The following GNB1 variants were observed in gnomAD, a reference collection of about 807,000 sequenced individuals.
GNB1 encodes guanine nucleotide-binding protein G(I)/G(S)/G(T) subunit beta-1.
GNB1 carries 2 observed loss-of-function variants against 42.9 expected under a neutral mutation model. That is an observed-to-expected ratio of 0.05 (90% CI 0.02 to 0.15). The LOEUF is 0.15. Among genes scored for constraint, GNB1 ranks in the 10% least tolerant of loss-of-function variants. The probability of loss-of-function intolerance (pLI) is 1.00; values close to 1 mark genes in which losing one functional copy is unlikely to be tolerated. For synonymous variants in GNB1, 183 were observed against 174.7 expected (o/e 1.05, Z -0.38); for missense variants, 193 against 462.2 (o/e 0.42, Z 5.34).
chr1:1,882,650 T>C (rs1255382354), intron 1 of GNB1, among the ~76,000 whole-genome samples: 1 of 151,592 alleles, frequency 6.6e-6, no homozygotes, highest in Non-Finnish European at 1.5e-5. Context: ...GGGCAGGGCG[T>C]GGTGGCTCAC....
At chr1:1,825,305 C>G (rs1646981787) in intron 3 of GNB1, 92 bp downstream of exon 3, 3 of 867,246 alleles carry the variant, frequency 3.5e-6, no homozygotes, top group Middle Eastern at 2.2e-4. Context: ...AAACATAGAA[C>G]AAGTCATCCT....
chr1:1,867,676 A>C (rs1261936765), intron 1 of GNB1, among the ~76,000 whole-genome samples: 1 of 152,052 alleles, frequency 6.6e-6, no homozygotes, highest in Admixed American at 6.6e-5. Flanking sequence ...TATTCCTAAC[A>C]TTTTTCTAAT....
At chr1:1,836,387 C>CTTTT (rs34812880) in intron 2 of GNB1, among the ~76,000 whole-genome samples, 2 of 85,148 alleles carry the variant, frequency 2.3e-5, no homozygotes, top group South Asian at 4.1e-4. Flanking sequence ...CTTAATATTG[C>CTTTT]TTTTTTTTTT....
chr1:1,842,906 G>C (rs1212343362), intron 1 of GNB1, among the ~76,000 whole-genome samples: 1 of 152,222 alleles, frequency 6.6e-6, no homozygotes, highest in African/African-American at 2.4e-5. Context: ...GGTCCTATGA[G>C]CATACCCGAA....
chr1:1,823,038 C>T (rs887722824), intron 3 of GNB1, among the ~76,000 whole-genome samples: 18 of 151,846 alleles, frequency 1.2e-4, no homozygotes, highest in East Asian at 3.9e-4. Flanking sequence ...GTCAGGAGAT[C>T]GAGACCATCC....
intron 4 of GNB1, among the ~76,000 whole-genome samples, chr1:1,817,410 T>C (rs1646872563): frequency 6.6e-6 from 1 of 152,196 alleles, no homozygotes; most frequent in Non-Finnish European, 1.5e-5. Flanking sequence ...TACATGTGTG[T>C]GTTTGAAAAG....
intron 7 of GNB1, among the ~76,000 whole-genome samples, chr1:1,801,675 G>A (rs1489052598): frequency 7.9e-5 from 12 of 152,180 alleles, no homozygotes; most frequent in Non-Finnish European, 1.0e-4. Flanking sequence ...CAGGCCAGGC[G>A]TGGTGGCTCA....
At chr1:1,798,882 T>G (rs1646582895) in intron 7 of GNB1, among the ~76,000 whole-genome samples, 1 of 151,684 alleles carries the variant, frequency 6.6e-6, no homozygotes, top group Non-Finnish European at 1.5e-5. Flanking sequence ...TTGTATTTTT[T>G]GTAGAGGCGG....
chr1:1,876,247 C>A (rs965597296), intron 1 of GNB1, among the ~76,000 whole-genome samples: 1 of 152,114 alleles, frequency 6.6e-6, no homozygotes, highest in African/African-American at 2.4e-5. Context: ...TTTCTGAAGA[C>A]CTTTACTAAG....
intron 2 of GNB1, among the ~76,000 whole-genome samples, chr1:1,826,888 G>T (rs1489982133): frequency 6.6e-6 from 1 of 152,206 alleles, no homozygotes; most frequent in African/African-American, 2.4e-5. Flanking sequence ...GTTAATGTAT[G>T]ACTGAAGATC....
At chr1:1,858,065 T>C (rs531920730) in intron 1 of GNB1, among the ~76,000 whole-genome samples, 1 of 152,292 alleles carries the variant, frequency 6.6e-6, no homozygotes, top group South Asian at 2.1e-4. Context: ...CATGGATCCA[T>C]AATGGAGAAT....
chr1:1,880,366 C>T (rs528732702), intron 1 of GNB1, among the ~76,000 whole-genome samples: 1 of 152,124 alleles, frequency 6.6e-6, no homozygotes, highest in Non-Finnish European at 1.5e-5. Flanking sequence ...TTTGGGAGGC[C>T]GAGGCAGGCG....
chr1:1,825,252 A>G (rs1041166367), intron 3 of GNB1, 145 bp downstream of exon 3: 1 of 676,414 alleles, frequency 1.5e-6, no homozygotes, highest in Non-Finnish European at 2.7e-6. Context: ...ATCTAGATCT[A>G]TAATTAGTAC....
chr1:1,840,669 C>CT (rs1456957588), intron 1 of GNB1, among the ~76,000 whole-genome samples: 1 of 152,270 alleles, frequency 6.6e-6, no homozygotes, highest in Non-Finnish European at 1.5e-5. Context: ...CACTAAATAA[C>CT]TACTTTGTGA....
At position 1,790,290 on chromosome 1, in the gene GNB1, G is replaced by T; in HGVS notation, c.699+105C>A. On this transcript the variant is annotated intron_variant, in intron 9 of 11. Transcript: ENST00000378609. The surrounding 1 kb of genome is among the most constrained non-coding windows in gnomAD (Gnocchi z 5.4). The stretch of plus-strand genomic sequence containing the variant: ...CCATCTGTACATGAGGTTGTATAAG[G>T]ATCAGAAAGGAGAACATCTAATCCA... 1 of 763,728 alleles carries T rather than the reference G, an allele frequency of 1.3e-6. No homozygotes were observed. The highest frequency in any genetic ancestry group is 1.6e-5 in the South Asian group (1 of 62,604). 47.3% of individuals were successfully genotyped at this position (763,728 alleles called of 1,614,324 possible).
chr1:1,874,567 A>T (rs1452170425), intron 1 of GNB1, among the ~76,000 whole-genome samples: 1 of 135,952 alleles, frequency 7.4e-6, no homozygotes, highest in East Asian at 2.5e-4. Context: ...AGACTGCACC[A>T]CTGCACTCCA....
chr1:1,847,255 A>C (rs532916982), intron 1 of GNB1, among the ~76,000 whole-genome samples: 1 of 152,228 alleles, frequency 6.6e-6, no homozygotes, highest in African/African-American at 2.4e-5. Flanking sequence ...AGAGATAAAC[A>C]CCAGTTGCCA....
intron 1 of GNB1, among the ~76,000 whole-genome samples, chr1:1,857,642 G>T (rs1648380149): frequency 6.6e-6 from 1 of 152,138 alleles, no homozygotes; most frequent in East Asian, 1.9e-4. Context: ...TTTAACATGG[G>T]AACAAACTTC....
rs553079355 is a variant in GNB1, at chr1:1,841,813, C to T, written c.-95-2575G>A. Among the ~76,000 whole-genome samples the T allele has an allele frequency of 2.0e-5, 3 of 152,282 alleles. No individual in the cohort carries two copies. In the East Asian group the frequency reaches 5.8e-4, roughly 29 times the overall value. ...TGGCAGTTCCTCAAAAAATTAAACA[C>T]AGAATTACCCCATAACCCAGCAATT... On this transcript the variant is annotated intron_variant, in intron 1 of 11. Coordinates refer to ENST00000378609, the MANE Select transcript of GNB1 (RefSeq NM_002074.5).
Sources: allele counts gnomAD v4.1 joint callset (sites outside exome capture counted in the v4.1 genomes callset), GRCh38; gene constraint gnomAD v4.1.1; non-coding constraint Gnocchi (gnomAD v3.1); transcripts MANE v1.5; gene names NCBI Gene and HGNC (gene_info 2026-07-23, HGNC 2026-07-21).